The following TAFA1 variants were observed in gnomAD, a reference collection of about 807,000 sequenced individuals.
TAFA1 encodes chemokine-like protein TAFA-1.
In TAFA1, 4 loss-of-function variants were observed where a neutral mutation model predicts 18.5. That is an observed-to-expected ratio of 0.22 (90% CI 0.11 to 0.49). TAFA1 has a LOEUF of 0.49. TAFA1 is among the 20% of genes least tolerant of loss of function. The pLI is 0.98. For synonymous variants in TAFA1, 56 were observed against 55.2 expected, an observed-to-expected ratio of 1.01 and a Z score of -0.06; for missense variants, 147 against 169.0, an observed-to-expected ratio of 0.87 and a Z score of 0.72.
intron 2 of TAFA1, among the ~76,000 whole-genome samples, chr3:68,346,067 T>C (rs2069159772): frequency 6.6e-6 from 1 of 152,162 alleles, no homozygotes; most frequent in African/African-American, 2.4e-5. Flanking sequence ...TGGATCAGAT[T>C]TGTCTAATTG....
intron 2 of TAFA1, among the ~76,000 whole-genome samples, chr3:68,088,572 A>G (rs1211985086): frequency 6.6e-6 from 1 of 152,170 alleles, no homozygotes; most frequent in Non-Finnish European, 1.5e-5. Context: ...CAGTCTAGCA[A>G]TTTTGAACCT....
chr3:68,336,246 G>A (rs1348282633), intron 2 of TAFA1, among the ~76,000 whole-genome samples: 3 of 152,212 alleles, frequency 2.0e-5, no homozygotes, highest in Admixed American at 2.0e-4. Context: ...TGCTGACTAT[G>A]ATTATTTTAA....
intron 3 of TAFA1, among the ~76,000 whole-genome samples, chr3:68,446,997 T>C (rs2071481985): frequency 6.6e-6 from 1 of 152,162 alleles, no homozygotes; most frequent in Non-Finnish European, 1.5e-5. Flanking sequence ...TTTCCAACAG[T>C]GAAAGTTGGA....
At chr3:68,053,216 G>A (rs1356156928) in intron 2 of TAFA1, among the ~76,000 whole-genome samples, 1 of 152,054 alleles carries the variant, frequency 6.6e-6, no homozygotes, top group Non-Finnish European at 1.5e-5. Flanking sequence ...TGAGTCCAAT[G>A]GCAGAAATAA....
At chr3:68,505,292 T>C (rs565503395) in intron 3 of TAFA1, among the ~76,000 whole-genome samples, 2 of 152,318 alleles carry the variant, frequency 1.3e-5, no homozygotes, top group East Asian at 3.9e-4. Flanking sequence ...CCAAAGTCTT[T>C]AGCTTTTTAT....
intron 4 of TAFA1, among the ~76,000 whole-genome samples, chr3:68,539,779 G>A (rs951890865): frequency 6.7e-6 from 1 of 149,992 alleles, no homozygotes; most frequent in Admixed American, 6.7e-5. Context: ...TTTCTTGAGA[G>A]AGGGGGGTCT....
chr3:68,493,364 T>C (rs1479246471), intron 3 of TAFA1, among the ~76,000 whole-genome samples: 4 of 152,232 alleles, frequency 2.6e-5, no homozygotes, highest in African/African-American at 9.6e-5. Flanking sequence ...ATATATACAC[T>C]ACATTTTGTT....
intron 2 of TAFA1, among the ~76,000 whole-genome samples, chr3:68,308,785 C>T (rs2068465934): frequency 6.6e-6 from 1 of 151,942 alleles, no homozygotes; most frequent in Admixed American, 6.6e-5. Context: ...TAGCTTGTCC[C>T]ATCTCATACA....
chr3:68,145,128 C>G (rs1266195400), intron 2 of TAFA1: 3 of 943,388 alleles, frequency 3.2e-6, no homozygotes, highest in African/African-American at 1.6e-5. Context: ...CAGCGTCTAG[C>G]TTTATGTTTG....
intron 2 of TAFA1, among the ~76,000 whole-genome samples, chr3:68,018,061 C>T (rs968393430): frequency 6.6e-6 from 1 of 152,164 alleles, no homozygotes; most frequent in African/African-American, 2.4e-5. Context: ...GGGTAGCAGA[C>T]CTTGATGGCT....
intron 2 of TAFA1, among the ~76,000 whole-genome samples, chr3:68,010,095 C>T (rs1488362629): frequency 2.6e-5 from 4 of 152,136 alleles, no homozygotes; most frequent in Admixed American, 6.5e-5. Flanking sequence ...AGGCAGACTC[C>T]GCGTGCATAC....
At chr3:68,252,484 C>T (rs1309747598) in intron 2 of TAFA1, among the ~76,000 whole-genome samples, 1 of 152,198 alleles carries the variant, frequency 6.6e-6, no homozygotes, top group Non-Finnish European at 1.5e-5. Flanking sequence ...TCCCACAAAG[C>T]TGAAGCTGGG....
intron 3 of TAFA1, among the ~76,000 whole-genome samples, chr3:68,535,335 CT>C (rs1042081011): frequency 2.0e-5 from 3 of 151,364 alleles, no homozygotes; most frequent in Non-Finnish European, 4.4e-5. Flanking sequence ...AAGAATCTTC[CT>C]TTACTTCCTT....
chr3:68,017,800 C>T (rs1406274087), intron 2 of TAFA1, among the ~76,000 whole-genome samples: 1 of 152,220 alleles, frequency 6.6e-6, no homozygotes, highest in African/African-American at 2.4e-5. Flanking sequence ...TGATTCTTCT[C>T]TAACTCTGTG....
At chr3:68,496,402 G>T (rs1017775899) in intron 3 of TAFA1, among the ~76,000 whole-genome samples, 2 of 152,080 alleles carry the variant, frequency 1.3e-5, no homozygotes, top group Non-Finnish European at 2.9e-5. Flanking sequence ...ATCTTGCAAT[G>T]GTCCCTATGG....
chr3:68,351,109 C>G (rs2069256913), intron 2 of TAFA1, among the ~76,000 whole-genome samples: 1 of 152,118 alleles, frequency 6.6e-6, no homozygotes, highest in African/African-American at 2.4e-5. Flanking sequence ...TCCAGATCAA[C>G]TGAATCCAAA....
At chr3:68,321,063 C>T (rs902409742) in intron 2 of TAFA1, among the ~76,000 whole-genome samples, 1 of 152,176 alleles carries the variant, frequency 6.6e-6, no homozygotes, top group Non-Finnish European at 1.5e-5. Context: ...GGGTTGAAAT[C>T]GCTGATCTAC....
chr3:68,258,040 TAAG>T (rs1451185833), intron 2 of TAFA1, among the ~76,000 whole-genome samples: 2 of 152,126 alleles, frequency 1.3e-5, no homozygotes, highest in Non-Finnish European at 2.9e-5. Flanking sequence ...AGGAGGAGGC[TAAG>T]GAGATATGGG....
At chr3:68,166,597 A>G (rs2065984233) in intron 2 of TAFA1, among the ~76,000 whole-genome samples, 1 of 152,230 alleles carries the variant, frequency 6.6e-6, no homozygotes, top group Admixed American at 6.5e-5. Flanking sequence ...GGAAGCCGGC[A>G]GAGTCTGACT....
Sources: allele counts gnomAD v4.1 joint callset (sites outside exome capture counted in the v4.1 genomes callset), GRCh38; gene constraint gnomAD v4.1.1; transcripts MANE v1.5; gene names NCBI Gene and HGNC (gene_info 2026-07-23, HGNC 2026-07-21).